KCNT2: variants seen among roughly 807,000 people sequenced by gnomAD.
KCNT2 encodes the protein potassium channel subfamily T member 2.
Under a neutral mutation model 153.8 loss-of-function variants are expected in KCNT2, and 67 were observed. The ratio of observed to expected loss-of-function variants is 0.44; its 90% confidence interval spans 0.36 to 0.53. KCNT2 has a LOEUF of 0.53. Among genes scored for constraint, KCNT2 ranks in the 20% least tolerant of loss-of-function variants. The pLI is 0.00. For synonymous variants in KCNT2, 500 were observed against 458.8 expected, an observed-to-expected ratio of 1.09 and a Z score of -1.15; for missense variants, 975 against 1,354.8, an observed-to-expected ratio of 0.72 and a Z score of 4.40.
intron 13 of KCNT2, among the ~76,000 whole-genome samples, chr1:196,377,776 A>G (rs1219308450): frequency 8.5e-5 from 13 of 152,146 alleles, no homozygotes; most frequent in African/African-American, 2.7e-4. Flanking sequence ...TATCCTAAAT[A>G]GCAGGAGATG....
chr1:196,480,855 CAAAAAAAAAAAAAAA>C (rs372270510), intron 4 of KCNT2, among the ~76,000 whole-genome samples: 1 of 26,896 alleles, frequency 3.7e-5, no homozygotes, highest in Non-Finnish European at 6.6e-5. Context: ...GACTTCGTCT[CAAAAAAAAAAAAAAA>C]AAAAAAAAAA....
chr1:196,404,945 A>G (rs955884962), intron 12 of KCNT2, among the ~76,000 whole-genome samples: 2 of 151,658 alleles, frequency 1.3e-5, no homozygotes, highest in Non-Finnish European at 3.0e-5. Context: ...TCAATGGATG[A>G]ATACAGGAGA....
At chr1:196,549,978 A>T (rs1447652691) in intron 1 of KCNT2, among the ~76,000 whole-genome samples, 1 of 151,914 alleles carries the variant, frequency 6.6e-6, no homozygotes, top group African/African-American at 2.4e-5. Flanking sequence ...AGAAGGCCCC[A>T]AAGACAGACA....
chr1:196,398,515 T>C lies in KCNT2; in HGVS notation c.1294+48A>G, dbSNP rs779265414. 3.0e-6 allele frequency: 3 copies of C among 985,394 alleles called. No homozygotes were observed. In the African/African-American group the frequency reaches 4.8e-5, roughly 16 times the overall value. 61.0% of individuals were successfully genotyped at this position (985,394 alleles called of 1,614,324 possible). A position where few individuals can be genotyped will look rare whatever the true frequency, so the allele number is the denominator to read the frequency against. ...CAGAGACTTAACCCTTAAGCCACTA[T>C]AGGAGTTTCAGGAAATTCAATGGAT... On this transcript the variant is annotated intron_variant, in intron 13 of 27. Transcript: ENST00000294725.
rs1305991497 is a variant in KCNT2, at chr1:196,230,785, G to A, written c.3297-2450C>T. ...TTCTTATTTATCATCAAATAAATTG[G>A]TTTCTTGAGATGAAATCTACTCCTG... On this transcript the variant is annotated intron_variant, in intron 27 of 27. Transcript: ENST00000294725. Among the ~76,000 whole-genome samples the A allele has an allele frequency of 2.0e-5, 3 of 152,004 alleles. No homozygotes were observed. In the East Asian group the frequency reaches 5.8e-4, roughly 29 times the overall value.
At chr1:196,575,137 T>C (rs1395392747) in intron 1 of KCNT2, among the ~76,000 whole-genome samples, 2 of 152,140 alleles carry the variant, frequency 1.3e-5, no homozygotes, top group Admixed American at 6.6e-5. Context: ...ATGAATTAAT[T>C]AATCATACAA....
At position 196,248,367 on chromosome 1, in the gene KCNT2, T is replaced by G. The variant is rs111850955; in HGVS notation, c.3211+9827A>C. ...AGATCAACAAAAGAAAAAGTTGTTT[T>G]TTGATAAGATAAACAAAATTGACAA... is the stretch of plus-strand genomic sequence containing the variant. On this transcript the variant is annotated intron_variant, in intron 26 of 27. Coordinates refer to ENST00000294725, the MANE Select transcript of KCNT2 (RefSeq NM_198503.5). Among the ~76,000 whole-genome samples, 1,156 of 152,074 alleles carry G rather than the reference T, an allele frequency of 7.6e-3. 5 individuals carry two copies. The highest frequency in any genetic ancestry group is 0.012 in the Non-Finnish European group (787 of 67,956).
chr1:196,582,793 C>T (rs951271097), intron 1 of KCNT2, among the ~76,000 whole-genome samples: 1 of 151,766 alleles, frequency 6.6e-6, no homozygotes, highest in Non-Finnish European at 1.5e-5. Flanking sequence ...TTCAGCTTGT[C>T]CAAACTAAAT....
chr1:196,299,512 A>G (rs1037522549), intron 22 of KCNT2, among the ~76,000 whole-genome samples: 19 of 152,252 alleles, frequency 1.2e-4, no homozygotes, highest in African/African-American at 4.3e-4. Flanking sequence ...TACTAATCAT[A>G]ACGGAAATGT....
intron 16 of KCNT2, among the ~76,000 whole-genome samples, chr1:196,339,713 T>C (rs1665423788): frequency 6.6e-6 from 1 of 152,110 alleles, no homozygotes; most frequent in African/African-American, 2.4e-5. Flanking sequence ...CACATTTTCC[T>C]TGTGACAGAT....
chr1:196,598,180 C>A (rs1046248945), intron 1 of KCNT2, among the ~76,000 whole-genome samples: 1 of 152,090 alleles, frequency 6.6e-6, no homozygotes, highest in African/African-American at 2.4e-5. Context: ...ACTATTTGAT[C>A]TTACATGATG....
At chr1:196,256,629 T>C (rs1182396018) in intron 26 of KCNT2, among the ~76,000 whole-genome samples, 1 of 151,518 alleles carries the variant, frequency 6.6e-6, no homozygotes, top group Non-Finnish European at 1.5e-5. Context: ...TTAGACAATA[T>C]AAAAATAAGA....
intron 1 of KCNT2, among the ~76,000 whole-genome samples, chr1:196,559,471 G>A (rs931877925): frequency 6.6e-6 from 1 of 151,620 alleles, no homozygotes; most frequent in African/African-American, 2.4e-5. Flanking sequence ...CGTTCTTAGG[G>A]TAGATTCCCA....
chr1:196,564,337 A>T (rs1446707778), intron 1 of KCNT2, among the ~76,000 whole-genome samples: 1 of 151,950 alleles, frequency 6.6e-6, no homozygotes, highest in African/African-American at 2.4e-5. Context: ...CAAAACACTG[A>T]TGAAAGAAAT....
chr1:196,606,248 C>T (rs1005822066), intron 1 of KCNT2, among the ~76,000 whole-genome samples: 1 of 152,118 alleles, frequency 6.6e-6, no homozygotes, highest in Non-Finnish European at 1.5e-5. Context: ...AATGACTTTC[C>T]CAAGGCCACT....
rs201474153 is a variant in KCNT2 at position 196,477,183 on chromosome 1, GA to G, written c.384+1995del. On this transcript the variant is annotated intron_variant, in intron 5 of 27. Transcript: ENST00000294725. Reference sequence around the variant, plus strand: ...GATGGCAATAATGAGAATTAAAAAAGAAAAAAAAAGTGAGCCTGAAAAAAGG... The same window carrying G: ...GATGGCAATAATGAGAATTAAAAAAGAAAAAAAAGTGAGCCTGAAAAAAGG... 2.0e-4 allele frequency among the ~76,000 whole-genome samples: 30 copies of G among 148,470 alleles called. 2 individuals are homozygous for G. The highest frequency in any genetic ancestry group is 6.9e-4 in the African/African-American group (28 of 40,532).
chr1:196,421,255 G>T (rs1673178955), intron 12 of KCNT2, among the ~76,000 whole-genome samples: 1 of 151,970 alleles, frequency 6.6e-6, no homozygotes, highest in African/African-American at 2.4e-5. Flanking sequence ...GGAAAAAAAA[G>T]AGAATGCATT....
chr1:196,263,955 T>C (rs1219376545), intron 25 of KCNT2, among the ~76,000 whole-genome samples: 2 of 152,198 alleles, frequency 1.3e-5, no homozygotes, highest in Non-Finnish European at 2.9e-5. Context: ...TATATGTGTG[T>C]GTGTGTTTAA....
At chr1:196,303,109 C>G (rs1156815238) in intron 22 of KCNT2, among the ~76,000 whole-genome samples, 1 of 151,948 alleles carries the variant, frequency 6.6e-6, no homozygotes, top group Non-Finnish European at 1.5e-5. Flanking sequence ...CTTTCTCTGT[C>G]AAAAACTTGT....
Sources: gnomAD v4.1 joint callset for allele counts (sites outside exome capture counted in the v4.1 genomes callset) on GRCh38, gnomAD v4.1.1 for gene constraint, MANE v1.5 for transcripts, NCBI Gene and HGNC (gene_info 2026-07-23, HGNC 2026-07-21) for gene names.